Variants in EYS observed in about 807,000 individuals in gnomAD.
EYS encodes protein eyes shut homolog.
EYS carries 250 observed loss-of-function variants against 282.1 expected under a neutral mutation model. That is an observed-to-expected ratio of 0.89 (90% CI 0.80 to 0.98). EYS has a LOEUF of 0.98. Among genes scored for constraint, EYS ranks in the 50% least tolerant of loss-of-function variants. The probability of loss-of-function intolerance (pLI) is 0.00; values close to 1 mark genes in which losing one functional copy is unlikely to be tolerated. For synonymous variants in EYS, 1,355 were observed against 1,282.9 expected (o/e 1.06, Z -1.20); for missense variants, 4,016 against 3,709.0 (o/e 1.08, Z -2.15).
chr6:64,010,624 G>A (rs541024642), intron 33 of EYS, among the ~76,000 whole-genome samples: 1 of 152,022 alleles, frequency 6.6e-6, no homozygotes, highest in South Asian at 2.1e-4. Flanking sequence ...ATTGTACTGT[G>A]CAGGCCCATT....
chr6:63,824,009 T>C (rs1333097), intron 36 of EYS, among the ~76,000 whole-genome samples: 12,413 of 152,240 alleles, frequency 0.082, 561 homozygotes, highest in East Asian at 0.16. Flanking sequence ...CTCAGGAACC[T>C]ACTTCCACCA....
At chr6:64,698,720 A>G (rs1253291087) in intron 22 of EYS, among the ~76,000 whole-genome samples, 2 of 150,184 alleles carry the variant, frequency 1.3e-5, no homozygotes, top group East Asian at 1.9e-4. Flanking sequence ...ACAAGCATAT[A>G]AAAAAAGCTC....
chr6:64,371,216 TG>T (rs1772358500), intron 29 of EYS, among the ~76,000 whole-genome samples: 1 of 152,044 alleles, frequency 6.6e-6, no homozygotes, highest in African/African-American at 2.4e-5. Context: ...AATGTTGTAT[TG>T]TTTTTCCATT....
At chr6:65,397,564 TG>T (rs1358189178) in intron 7 of EYS, among the ~76,000 whole-genome samples, 1 of 149,990 alleles carries the variant, frequency 6.7e-6, no homozygotes, top group African/African-American at 2.5e-5. Context: ...TTATTTTGGG[TG>T]GCTAAGTTGT....
In EYS at chr6:65,676,404, A is replaced by G. The variant is rs536053965; in HGVS notation, c.-448+30731T>C. On this transcript the variant is annotated intron_variant, in intron 1 of 42. Coordinates refer to ENST00000503581, the MANE Select transcript of EYS (RefSeq NM_001142800.2). ...CATTACAACTGATGCCACAGAAATTAAGATTATAAAAGAGTATTACAAAAA... is the reference window on the plus strand; with the variant it reads ...CATTACAACTGATGCCACAGAAATTGAGATTATAAAAGAGTATTACAAAAA... Among the ~76,000 whole-genome samples the G allele has an allele frequency of 1.4e-4, 21 of 151,976 alleles. No individual in the cohort carries two copies. In the South Asian group the frequency reaches 4.1e-3, roughly 30 times the overall value.
At chr6:65,046,872 G>A (rs77250100) in intron 13 of EYS, among the ~76,000 whole-genome samples, 3,456 of 151,874 alleles carry the variant, frequency 0.023, 47 homozygotes, top group South Asian at 0.064. Context: ...AATGGCTTTC[G>A]TCACCCCTTT....
intron 33 of EYS, among the ~76,000 whole-genome samples, chr6:64,006,124 T>C (rs552534610): frequency 9.2e-5 from 14 of 152,308 alleles, no homozygotes; most frequent in African/African-American, 3.4e-4. Context: ...TTACCATTTG[T>C]TTGGGTCATC....
intron 12 of EYS, among the ~76,000 whole-genome samples, chr6:65,156,291 T>G (rs752023157): frequency 2.6e-5 from 4 of 151,366 alleles, no homozygotes; most frequent in Admixed American, 6.6e-5. Flanking sequence ...TCCTATGCTG[T>G]CCAATTTCTG....
chr6:65,549,786 A>T (rs1043220153), intron 2 of EYS, among the ~76,000 whole-genome samples: 1 of 152,198 alleles, frequency 6.6e-6, no homozygotes, highest in African/African-American at 2.4e-5. Context: ...TTTTTCTGAC[A>T]GCTTCTCCCA....
At chr6:64,411,154 T>C (rs114846147) in intron 28 of EYS, among the ~76,000 whole-genome samples, 171 of 152,252 alleles carry the variant, frequency 1.1e-3, no homozygotes, top group Non-Finnish European at 1.7e-3. Flanking sequence ...GTATGACAGC[T>C]ATTTAATGAT....
chr6:63,864,466 G>A (rs1772624072), intron 35 of EYS, 108 bp from the exon 36 acceptor site: 4 of 725,226 alleles, frequency 5.5e-6, no homozygotes, highest in African/African-American at 1.9e-5. Flanking sequence ...AATTATAATT[G>A]CATCTTTTCT....
chr6:64,913,512 G>A (rs565155872), intron 15 of EYS, among the ~76,000 whole-genome samples: 9 of 152,154 alleles, frequency 5.9e-5, no homozygotes, highest in Non-Finnish European at 1.3e-4. Context: ...TATGATATTA[G>A]ATTTTCTGTT....
intron 35 of EYS, among the ~76,000 whole-genome samples, chr6:63,957,235 C>G (rs1765867238): frequency 7.7e-6 from 1 of 130,514 alleles, no homozygotes; most frequent in Non-Finnish European, 1.8e-5. Flanking sequence ...AAATTACCAA[C>G]AAAAAACAGA....
intron 15 of EYS, among the ~76,000 whole-genome samples, chr6:64,943,742 T>C (rs567187829): frequency 6.6e-6 from 1 of 152,246 alleles, no homozygotes; most frequent in South Asian, 2.1e-4. Flanking sequence ...CCCGTGTTCA[T>C]GGCTTGGAAG....
At chr6:64,986,183 G>A (rs1298355889) in intron 14 of EYS, among the ~76,000 whole-genome samples, 2 of 151,288 alleles carry the variant, frequency 1.3e-5, no homozygotes, top group Non-Finnish European at 3.0e-5. Flanking sequence ...AAAGAATAAC[G>A]ATTAAAAAAG....
intron 35 of EYS, among the ~76,000 whole-genome samples, chr6:63,937,537 C>T (rs544268091): frequency 8.6e-5 from 13 of 150,934 alleles, no homozygotes; most frequent in African/African-American, 1.5e-4. Flanking sequence ...CCCGCCACCA[C>T]GACCGGTTAA....
chr6:64,802,033 C>G (rs9363236), intron 22 of EYS, among the ~76,000 whole-genome samples: 1 of 112,702 alleles, frequency 8.9e-6, no homozygotes, highest in Non-Finnish European at 1.7e-5. Context: ...CTTTTTTTTT[C>G]TTTTTTTTTT....
chr6:65,189,655 T>C (rs1043642523), intron 12 of EYS, among the ~76,000 whole-genome samples: 1 of 151,526 alleles, frequency 6.6e-6, no homozygotes, highest in African/African-American at 2.4e-5. Flanking sequence ...AATGATGGAG[T>C]CCCTATTTAT....
At chr6:64,151,335 A>ATATATATATATT (rs1774714009) in intron 31 of EYS, among the ~76,000 whole-genome samples, 1 of 104,044 alleles carries the variant, frequency 9.6e-6, no homozygotes, top group African/African-American at 5.1e-5. Context: ...ATATATATAT[A>ATATATATATATT]TATATATATA....
Sources: gnomAD v4.1 joint callset for allele counts (sites outside exome capture counted in the v4.1 genomes callset) on GRCh38, gnomAD v4.1.1 for gene constraint, MANE v1.5 for transcripts, NCBI Gene and HGNC (gene_info 2026-07-23, HGNC 2026-07-21) for gene names.